RUVBL2: variants seen among roughly 807,000 people sequenced by gnomAD.
The protein encoded by RUVBL2 is ruvB-like 2.
A neutral mutation model predicts 57.9 loss-of-function variants in RUVBL2; 9 were observed. The ratio of observed to expected loss-of-function variants is 0.16; its 90% confidence interval spans 0.09 to 0.27. The LOEUF (loss-of-function observed/expected upper bound fraction) is 0.27. RUVBL2 is among the 10% of genes least tolerant of loss of function. RUVBL2 has a pLI of 1.00. For synonymous variants in RUVBL2, 278 were observed against 264.6 expected (o/e 1.05, Z -0.49); for missense variants, 456 against 669.6 (o/e 0.68, Z 3.52).
intron 6 of RUVBL2, among the ~76,000 whole-genome samples, chr19:49,009,269 A>G (rs1039498477): frequency 1.3e-5 from 2 of 149,636 alleles, no homozygotes; most frequent in African/African-American, 4.9e-5. Context: ...TGGGCAGATC[A>G]CAAGGTCAGG....
At chr19:49,007,219 C>T (rs2122619788) in intron 5 of RUVBL2, 72 bp downstream of exon 5, 5 of 1,608,076 alleles carry the variant, frequency 3.1e-6, no homozygotes, top group Non-Finnish European at 8.5e-7. Context: ...GGCGGCTCGT[C>T]CTTTGTCCCA....
At chr19:49,002,837 G>T (rs146037119) in intron 2 of RUVBL2, among the ~76,000 whole-genome samples, 1 of 151,806 alleles carries the variant, frequency 6.6e-6, no homozygotes, top group Non-Finnish European at 1.5e-5. Flanking sequence ...CGCCCGCCTC[G>T]GCCTCCCAAA....
chr19:49,014,865 G>A (rs1457503061), intron 12 of RUVBL2, among the ~76,000 whole-genome samples, 156 bp from the exon 13 acceptor site: 6 of 152,342 alleles, frequency 3.9e-5, no homozygotes, highest in Admixed American at 3.3e-4. Context: ...CCCAGCCCCT[G>A]TCTCCGTGGC....
intron 6 of RUVBL2, 137 bp downstream of exon 6, chr19:49,007,505 A>C (rs1185247049): frequency 1.0e-5 from 7 of 689,720 alleles, no homozygotes; most frequent in African/African-American, 1.8e-5. Flanking sequence ...ACATGCCTAC[A>C]GTAGGAGGTC....
intron 3 of RUVBL2, 119 bp downstream of exon 3, chr19:49,003,453 C>T (rs2039222835): frequency 1.2e-6 from 1 of 862,732 alleles, no homozygotes. Flanking sequence ...TGGCTACATA[C>T]CCATAAACTT....
rs1254893032 is a variant in RUVBL2, at chr19:48,993,897, C to A, written c.-15C>A. ...GTTTCCGTTTCCGCTAGGACTCTGGCAGTTGGTGAGCATCATGGCAACCGT... is the reference window on the plus strand; with the variant it reads ...GTTTCCGTTTCCGCTAGGACTCTGGAAGTTGGTGAGCATCATGGCAACCGT... On this transcript the variant is annotated 5_prime_UTR_variant, in exon 1 of 15. Transcript: ENST00000595090. 5.0e-6 allele frequency: 8 copies of A among 1,613,912 alleles called. No individual in the cohort carries two copies. Among genetic ancestry groups the A allele is most frequent in the Non-Finnish European group, 5.9e-6 (7 of 1,180,008 alleles).
chr19:49,015,644 T>C lies in RUVBL2; in HGVS notation c.1324T>C (p.Tyr442His). 6.2e-7 allele frequency: 1 copy of C among 1,614,084 alleles called. No homozygotes were observed. The highest frequency in any genetic ancestry group is 8.5e-7 in the Non-Finnish European group (1 of 1,180,006). ...CCTGGACGAGTCCCGCTCCACGCAG[T>C]ACATGAAGGAGTACCAGGACGCCTT... ...LFLDESRSTQ[Y>H]MKEYQDAFLF... is the part of the protein sequence containing the mutation. Residue 442 changes from tyrosine (Y) to histidine (H), a missense_variant, in exon 14 of 15, where the codon TAC becomes CAC. Tyr to His is a moderately conservative substitution (Grantham distance 83). Transcript: ENST00000595090.
intron 1 of RUVBL2, 156 bp from the exon 2 acceptor site, chr19:48,999,163 G>C: frequency 1.3e-6 from 1 of 781,318 alleles, no homozygotes; most frequent in East Asian, 2.5e-5. Context: ...CCATTAGGCA[G>C]TGACAGGCAA....
chr19:48,999,026 C>CA (rs369612985), intron 1 of RUVBL2, among the ~76,000 whole-genome samples: 1,518 of 128,410 alleles, frequency 0.012, 11 homozygotes, highest in African/African-American at 0.02. Flanking sequence ...GACTTCATCT[C>CA]AAAAAAAAAA....
chr19:48,993,618 T>C (rs2038989783), upstream of RUVBL2: 2 of 559,120 alleles, frequency 3.6e-6, no homozygotes, highest in Non-Finnish European at 6.4e-6. Context: ...GTGTGGTTAC[T>C]CAAAGAACAG....
At chr19:48,993,817 A>T (rs1412808985), upstream of RUVBL2, 6 of 1,472,846 alleles carry the variant, frequency 4.1e-6, no homozygotes, top group African/African-American at 1.4e-5. Flanking sequence ...GGAACCATCG[A>T]GATCTTTGAA....
At chr19:49,013,109 A>G (rs1568642824) in intron 11 of RUVBL2, among the ~76,000 whole-genome samples, 1 of 151,944 alleles carries the variant, frequency 6.6e-6, no homozygotes, top group Non-Finnish European at 1.5e-5. Context: ...GATTATGGGC[A>G]CCCGCCACCA....
At chr19:48,993,742 C>A, upstream of RUVBL2, 1 of 805,912 alleles carries the variant, frequency 1.2e-6, no homozygotes, top group Non-Finnish European at 2.0e-6. Context: ...TCTTCCAGCG[C>A]AGCCTCGGTG....
At position 48,998,352 on chromosome 19, in the gene RUVBL2, C is replaced by T. The variant is rs2039105399; in HGVS notation, c.13-967C>T. Among the ~76,000 whole-genome samples the T allele has an allele frequency of 2.6e-5, 4 of 152,302 alleles. No individual in the cohort carries two copies. In the South Asian group the frequency reaches 8.3e-4, roughly 32 times the overall value. Reference sequence around the variant, plus strand: ...GGGCCAGAGCATGTCCAGCTCCATGCCTGCTCCTCATTGGTGTCTGTCCTT... The same window carrying T: ...GGGCCAGAGCATGTCCAGCTCCATGTCTGCTCCTCATTGGTGTCTGTCCTT... On this transcript the variant is annotated intron_variant, in intron 1 of 14. Transcript: ENST00000595090.
intron 6 of RUVBL2, among the ~76,000 whole-genome samples, chr19:49,007,739 C>T (rs2039310547): frequency 6.6e-6 from 1 of 152,012 alleles, no homozygotes; most frequent in African/African-American, 2.4e-5. Flanking sequence ...GAGTCTCCCT[C>T]TGTCCCCCAG....
At chr19:49,014,642 C>G (rs1176906969) in intron 12 of RUVBL2, 39 bp downstream of exon 12, 6 of 1,611,068 alleles carry the variant, frequency 3.7e-6, no homozygotes, top group Non-Finnish European at 5.1e-6. Flanking sequence ...AGACGCAGGG[C>G]TGGGGTCTAC....
chr19:49,001,852 C>T (rs180902639), intron 2 of RUVBL2, among the ~76,000 whole-genome samples: 126 of 152,000 alleles, frequency 8.3e-4, no homozygotes, highest in Non-Finnish European at 1.6e-3. Flanking sequence ...CCTCGTGATC[C>T]GCCTGCCTCG....
Position 49,003,324 on chromosome 19 carries a change from A to G in RUVBL2, c.113A>G (p.Glu38Gly). 1 of 1,613,856 alleles carries G rather than the reference A, an allele frequency of 6.2e-7. No individual in the cohort carries two copies. Among genetic ancestry groups the G allele is most frequent in the Non-Finnish European group, 8.5e-7 (1 of 1,179,954 alleles). Residue 38 changes from glutamate (E) to glycine (G), a missense_variant, in exon 3 of 15, where the codon GAG becomes GGG. Glu to Gly is a moderately conservative substitution (Grantham distance 98). Transcript: ENST00000595090. ...IRGLGLDDAL[E>G]PRQASQGMVG... ...GGACTGGGGCTGGACGATGCCTTGG[A>G]GCCTCGGCAGGTAGAGCAGAGGAGG... is the stretch of plus-strand genomic sequence containing the variant.
chr19:48,993,907 G>A lies in RUVBL2; in HGVS notation c.-5G>A, dbSNP rs766555662. 1.9e-6 allele frequency: 3 copies of A among 1,614,022 alleles called. No homozygotes were observed. Among genetic ancestry groups the A allele is most frequent in the African/African-American group, 2.7e-5 (2 of 74,930 alleles). Reference sequence around the variant, plus strand: ...CCGCTAGGACTCTGGCAGTTGGTGAGCATCATGGCAACCGTTGTAAGTGTG... The same window carrying A: ...CCGCTAGGACTCTGGCAGTTGGTGAACATCATGGCAACCGTTGTAAGTGTG... On this transcript the variant is annotated 5_prime_UTR_variant, in exon 1 of 15. Transcript: ENST00000595090.
Sources: allele counts gnomAD v4.1 joint callset (sites outside exome capture counted in the v4.1 genomes callset), GRCh38; gene constraint gnomAD v4.1.1; transcripts MANE v1.5; gene names NCBI Gene and HGNC (gene_info 2026-07-23, HGNC 2026-07-21).